The following CNTNAP2 variants were observed in gnomAD, a reference collection of about 807,000 sequenced individuals.
CNTNAP2 encodes the protein contactin-associated protein-like 2.
CNTNAP2 carries 98 observed loss-of-function variants against 155.2 expected under a neutral mutation model. That is an observed-to-expected ratio of 0.63 (90% confidence interval 0.54 to 0.75). The LOEUF (loss-of-function observed/expected upper bound fraction) is 0.75. Ranked by LOEUF, CNTNAP2 falls within the 30% of genes least tolerant of loss-of-function variation. The probability of loss-of-function intolerance (pLI) is 0.00; values close to 1 mark genes in which losing one functional copy is unlikely to be tolerated. For missense variants in CNTNAP2, 1,727 were observed against 1,688.1 expected (o/e 1.02, Z -0.40); for synonymous variants, 651 against 631.2 (o/e 1.03, Z -0.47).
intron 14 of CNTNAP2, among the ~76,000 whole-genome samples, chr7:147,916,591 GAAAAAA>G (rs10545940): frequency 7.4e-6 from 1 of 135,966 alleles, no homozygotes. Flanking sequence ...CTTTTTTTCT[GAAAAAA>G]AAAAAAAAAA....
chr7:147,666,234 G>A lies in CNTNAP2; in HGVS notation c.2098+26928G>A, dbSNP rs1795694323. On this transcript the variant is annotated intron_variant, in intron 13 of 23. Coordinates refer to ENST00000361727, the MANE Select transcript of CNTNAP2 (RefSeq NM_014141.6). ...CGTTAGTCGGTTAGACCTTTCCTTT[G>A]TTTGTGCTTTCAAGTACAGTCATGT... Among the ~76,000 whole-genome samples the A allele has an allele frequency of 3.3e-5, 5 of 152,128 alleles. No individual in the cohort carries two copies. In the South Asian group the frequency reaches 1.0e-3, roughly 32 times the overall value.
At chr7:147,179,036 C>T (rs1183959731) in intron 8 of CNTNAP2, among the ~76,000 whole-genome samples, 1 of 152,064 alleles carries the variant, frequency 6.6e-6, no homozygotes, top group Non-Finnish European at 1.5e-5. Flanking sequence ...AACTGCAGTG[C>T]TGTGGCCTTG....
rs184282484 is a variant in CNTNAP2, at chr7:147,029,131, T to G, written c.403-14776T>G. 8.8e-4 allele frequency among the ~76,000 whole-genome samples: 133 copies of G among 151,810 alleles called. No homozygotes were observed. In the East Asian group the frequency reaches 0.018, roughly 21 times the overall value. On this transcript the variant is annotated intron_variant, in intron 3 of 23. Transcript: ENST00000361727. ...GGCACCCGCCACCACGCCCAGCTAA[T>G]TTTTTGTATTTTTAGTAGAGACGGG...
chr7:148,258,030 A>T (rs1796486516), intron 20 of CNTNAP2, among the ~76,000 whole-genome samples: 1 of 152,234 alleles, frequency 6.6e-6, no homozygotes, highest in Non-Finnish European at 1.5e-5. Context: ...AGCACCTTGC[A>T]TATCACAGGC....
chr7:147,151,201 T>G (rs1801817539), intron 8 of CNTNAP2, among the ~76,000 whole-genome samples: 1 of 152,212 alleles, frequency 6.6e-6, no homozygotes, highest in African/African-American at 2.4e-5. Flanking sequence ...GAAATGAATT[T>G]GGCTTTATTT....
chr7:147,190,812 A>G (rs1802664737), intron 8 of CNTNAP2, among the ~76,000 whole-genome samples: 1 of 152,226 alleles, frequency 6.6e-6, no homozygotes, highest in Non-Finnish European at 1.5e-5. Context: ...AACTCACTGT[A>G]ACATTATACT....
intron 18 of CNTNAP2, among the ~76,000 whole-genome samples, chr7:148,179,685 A>AG (rs1419370499): frequency 6.6e-6 from 1 of 151,146 alleles, no homozygotes; most frequent in African/African-American, 2.4e-5. Flanking sequence ...AGAGAAAGAA[A>AG]GGGAAAGAAA....
rs10229418 is a variant in CNTNAP2, at chr7:148,374,717, C to T, written c.3476-8932C>T. Among the ~76,000 whole-genome samples, 1,493 of 152,296 alleles carry T rather than the reference C, an allele frequency of 9.8e-3. 25 individuals are homozygous for T. The highest frequency in any genetic ancestry group is 0.034 in the African/African-American group (1,417 of 41,576). On this transcript the variant is annotated intron_variant, in intron 21 of 23. Transcript: ENST00000361727. ...TTTCTGCTGCTATCAAGATAAAATG[C>T]AAAAGTGGAAACATTCCAATGAGTA... is the stretch of plus-strand genomic sequence containing the variant.
chr7:148,073,395 T>G (rs1420185117), intron 15 of CNTNAP2, among the ~76,000 whole-genome samples: 1 of 152,180 alleles, frequency 6.6e-6, no homozygotes, highest in Non-Finnish European at 1.5e-5. Flanking sequence ...TGAAAAATAA[T>G]TCATCAGTTT....
At chr7:147,297,567 G>A (rs1014401083) in intron 8 of CNTNAP2, among the ~76,000 whole-genome samples, 1 of 152,152 alleles carries the variant, frequency 6.6e-6, no homozygotes, top group African/African-American at 2.4e-5. Flanking sequence ...TCTGATGTGA[G>A]GGAGCAAAAC....
chr7:148,138,934 T>C (rs1023272999), intron 16 of CNTNAP2, among the ~76,000 whole-genome samples: 5 of 152,234 alleles, frequency 3.3e-5, no homozygotes, highest in Admixed American at 2.6e-4. Context: ...GTTAAATGCA[T>C]AGAAAAACTA....
At chr7:146,558,155 A>C (rs751115176) in intron 1 of CNTNAP2, among the ~76,000 whole-genome samples, 47 of 152,298 alleles carry the variant, frequency 3.1e-4, no homozygotes, top group Admixed American at 7.2e-4. Flanking sequence ...GAGGTTGCTC[A>C]TAGGACTTGT....
At chr7:146,798,278 C>CAA (rs1172046655) in intron 2 of CNTNAP2, among the ~76,000 whole-genome samples, 1 of 124,448 alleles carries the variant, frequency 8.0e-6, no homozygotes. Flanking sequence ...ACCCTGTCTC[C>CAA]AAAAAAAAAA....
chr7:147,773,485 A>AAAAAC (rs765932537), intron 13 of CNTNAP2, among the ~76,000 whole-genome samples: 18 of 152,158 alleles, frequency 1.2e-4, no homozygotes, highest in African/African-American at 2.2e-4. Context: ...AAACAAAAAC[A>AAAAAC]AAAACAAAAC....
Position 148,420,828 on chromosome 7 carries a change from A to T in CNTNAP2, c.*5212A>T, listed in dbSNP as rs1211426979. The stretch of plus-strand genomic sequence containing the variant: ...TCAAACAGGATTCCATCCCCTGTGA[A>T]ATAACACAAAATTTCACTCTCTAAA... On this transcript the variant is annotated 3_prime_UTR_variant, in exon 24 of 24. Coordinates refer to ENST00000361727, the MANE Select transcript of CNTNAP2 (RefSeq NM_014141.6). 1 of 152,662 alleles carries T rather than the reference A, an allele frequency of 6.6e-6. No homozygotes were observed. The highest frequency in any genetic ancestry group is 1.5e-5 in the Non-Finnish European group (1 of 68,038). The allele number at this position is 152,662 out of a possible 1,614,324, so 9.5% of individuals were successfully genotyped here.
At chr7:146,930,233 G>T (rs973127842) in intron 3 of CNTNAP2, among the ~76,000 whole-genome samples, 3 of 152,158 alleles carry the variant, frequency 2.0e-5, no homozygotes, top group African/African-American at 4.8e-5. Context: ...GACTAACAGC[G>T]GATCTCTCGG....
intron 13 of CNTNAP2, among the ~76,000 whole-genome samples, chr7:147,665,815 G>C (rs111885626): frequency 6.6e-6 from 1 of 152,088 alleles, no homozygotes. Flanking sequence ...TCTTTTGTAC[G>C]GCTGCATAGT....
chr7:147,568,652 A>T (rs1800222870), intron 12 of CNTNAP2, among the ~76,000 whole-genome samples: 1 of 152,272 alleles, frequency 6.6e-6, no homozygotes, highest in Admixed American at 6.5e-5. Context: ...ACTTTTGTGA[A>T]TATAAACTAT....
intron 15 of CNTNAP2, among the ~76,000 whole-genome samples, chr7:148,097,217 C>G (rs1291500753): frequency 6.6e-6 from 1 of 151,708 alleles, no homozygotes; most frequent in Non-Finnish European, 1.5e-5. Context: ...TTGAACCAGC[C>G]CGGCCAATTT....
Sources: allele counts gnomAD v4.1 joint callset (sites outside exome capture counted in the v4.1 genomes callset), GRCh38; gene constraint gnomAD v4.1.1; transcripts MANE v1.5; gene names NCBI Gene and HGNC (gene_info 2026-07-23, HGNC 2026-07-21).